Variants in OR3A2 observed in about 807,000 individuals in gnomAD.
The protein encoded by OR3A2 is olfactory receptor family 3 subfamily A member 2.
For synonymous variants in OR3A2, 126 were observed against 159.3 expected (o/e 0.79, Z 1.57); for missense variants, 318 against 392.8 (o/e 0.81, Z 1.61).
In OR3A2 at chr17:3,328,137, T is replaced by C. The variant is rs902860923; in HGVS notation, c.-85+7896A>G. Among the ~76,000 whole-genome samples, 392 of 144,204 alleles carry C rather than the reference T, an allele frequency of 2.7e-3. 4 individuals are homozygous for C. Among genetic ancestry groups the C allele is most frequent in the Non-Finnish European group, 1.3e-3 (85 of 67,116 alleles). The allele number at this position is 144,204 out of a possible 152,430, so 94.6% of individuals were successfully genotyped here. A position where few individuals can be genotyped will look rare whatever the true frequency, so the allele number is the denominator to read the frequency against. On this transcript the variant is annotated intron_variant, in intron 3 of 4. Transcript: ENST00000573491. ...ATGGGGATGGCATTGAATCTGTAAA[T>C]TACCTTGCGCAGTATGGCCATTTTC...
intron 2 of OR3A2, among the ~76,000 whole-genome samples, chr17:3,374,136 T>A (rs539610232): frequency 6.6e-5 from 10 of 152,342 alleles, no homozygotes; most frequent in East Asian, 3.9e-4. Flanking sequence ...CAATCCCTTC[T>A]GGCTTGTAGG....
chr17:3,373,542 T>C (rs1410867454), intron 2 of OR3A2, among the ~76,000 whole-genome samples: 1 of 152,230 alleles, frequency 6.6e-6, no homozygotes, highest in Non-Finnish European at 1.5e-5. Context: ...TATCATTATA[T>C]AATGTCTCTC....
intron 3 of OR3A2, among the ~76,000 whole-genome samples, chr17:3,332,453 G>C (rs1257981570): frequency 1.3e-5 from 2 of 152,218 alleles, no homozygotes; most frequent in African/African-American, 2.4e-5. Flanking sequence ...GGGTGGGAGT[G>C]ACCTGATTTT....
chr17:3,353,906 T>C lies in OR3A2; in HGVS notation c.-178-17780A>G, dbSNP rs543601055. Among the ~76,000 whole-genome samples, 769 of 104,426 alleles carry C rather than the reference T, an allele frequency of 7.4e-3. 3 individuals are homozygous for C. Among genetic ancestry groups the C allele is most frequent in the African/African-American group, 0.032 (733 of 23,158 alleles). The allele number at this position is 104,426 out of a possible 152,430, so 68.5% of individuals were successfully genotyped here. Reference sequence around the variant, plus strand: ...CTGTGCTATCAAATAGTGGTTCTTATTCATCCATTTTTTTTTGTACCCATT... The same window carrying C: ...CTGTGCTATCAAATAGTGGTTCTTACTCATCCATTTTTTTTTGTACCCATT... On this transcript the variant is annotated intron_variant, in intron 2 of 4. Coordinates refer to the OR3A2 transcript ENST00000573491.
At chr17:3,386,294 G>C (rs1229410480), upstream of OR3A2, 8 of 398,280 alleles carry the variant, frequency 2.0e-5, no homozygotes, top group Non-Finnish European at 2.7e-5. Flanking sequence ...TCCTACGACC[G>C]CCCGACGGCG....
intron 3 of OR3A2, among the ~76,000 whole-genome samples, chr17:3,304,358 G>A (rs907557619): frequency 8.6e-5 from 13 of 152,012 alleles, no homozygotes; most frequent in African/African-American, 2.7e-4. Flanking sequence ...TCACCAATTC[G>A]TGCTGCCACA....
intron 1 of OR3A2, 26 bp downstream of exon 4, chr17:3,279,050 C>G: frequency 6.8e-7 from 1 of 1,476,084 alleles, no homozygotes; most frequent in Non-Finnish European, 9.1e-7. Context: ...ACTCGTTGAC[C>G]TCCTCCATCA....
chr17:3,328,569 C>T (rs995515302), intron 3 of OR3A2, among the ~76,000 whole-genome samples: 74 of 146,234 alleles, frequency 5.1e-4, no homozygotes, highest in Non-Finnish European at 9.4e-4. Flanking sequence ...TGCCTAATTG[C>T]CCTGGCCAGA....
intron 3 of OR3A2, among the ~76,000 whole-genome samples, chr17:3,331,410 A>G (rs971358297): frequency 1.3e-5 from 2 of 150,550 alleles, no homozygotes; most frequent in African/African-American, 2.5e-5. Flanking sequence ...GGCTTTGCTC[A>G]TTTCTTTTTA....
At chr17:3,292,319 G>A in intron 3 of OR3A2, 1 of 1,614,182 alleles carries the variant, frequency 6.2e-7, no homozygotes, top group African/African-American at 1.3e-5. Flanking sequence ...TGCGGGACAG[G>A]AGACGACTCA....
At position 3,375,139 on chromosome 17, in the gene OR3A2, C is replaced by CTTTTTTTTTTTTTTT. The variant is rs552615698; in HGVS notation, c.-179+8650_-179+8664dup. On this transcript the variant is annotated intron_variant, in intron 2 of 4. Transcript: ENST00000573491. ...TATCTGGCAATTCAGAGCCTTCTTC[C>CTTTTTTTTTTTTTTT]TTTTTTTTTTTTTTTTTTTTTTTTT... Among the ~76,000 whole-genome samples the CTTTTTTTTTTTTTTT allele has an allele frequency of 1.5e-3, 42 of 28,720 alleles. 9 individuals are homozygous for CTTTTTTTTTTTTTTT. Among genetic ancestry groups the CTTTTTTTTTTTTTTT allele is most frequent in the East Asian group, 3.7e-3 (2 of 540 alleles). 18.8% of individuals were successfully genotyped at this position (28,720 alleles called of 152,430 possible).
intron 3 of OR3A2, among the ~76,000 whole-genome samples, chr17:3,296,784 A>T (rs936948679): frequency 2.6e-5 from 4 of 152,188 alleles, no homozygotes; most frequent in African/African-American, 9.7e-5. Context: ...ATACAGAGAA[A>T]GTTGTTCAAA....
chr17:3,351,854 A>G (rs1166888197), intron 2 of OR3A2, among the ~76,000 whole-genome samples: 3 of 152,176 alleles, frequency 2.0e-5, no homozygotes, highest in Non-Finnish European at 4.4e-5. Flanking sequence ...AATGGAACAG[A>G]ACAGAGCCCT....
At chr17:3,317,091 C>T (rs1011073295) in intron 3 of OR3A2, among the ~76,000 whole-genome samples, 1 of 152,104 alleles carries the variant, frequency 6.6e-6, no homozygotes, top group Non-Finnish European at 1.5e-5. Flanking sequence ...GGTTGAGTAC[C>T]GGTGCATAAA....
intron 1 of OR3A2, among the ~76,000 whole-genome samples, chr17:3,283,516 C>T (rs1273855473): frequency 1.3e-5 from 2 of 152,206 alleles, no homozygotes; most frequent in South Asian, 2.1e-4. Flanking sequence ...TAAGTCACTG[C>T]GCCCGGCCGG....
At chr17:3,340,834 C>T (rs1199274982) in intron 2 of OR3A2, among the ~76,000 whole-genome samples, 3 of 152,246 alleles carry the variant, frequency 2.0e-5, no homozygotes, top group Non-Finnish European at 4.4e-5. Flanking sequence ...AACCTTCTGT[C>T]TTGTTGATCT....
intron 3 of OR3A2, among the ~76,000 whole-genome samples, chr17:3,307,315 C>G (rs1341617371): frequency 1.3e-5 from 2 of 152,204 alleles, no homozygotes; most frequent in African/African-American, 4.8e-5. Context: ...ATAATGGGTT[C>G]TATTTGAGCT....
At chr17:3,315,775 GA>G in intron 3 of OR3A2, among the ~76,000 whole-genome samples, 2 of 30,188 alleles carry the variant, frequency 6.6e-5, no homozygotes, top group African/African-American at 2.2e-4. Flanking sequence ...GTAGTAAGAT[GA>G]GTAGTAAGAT....
Position 3,311,360 on chromosome 17 carries a change from G to A in OR3A2, c.-85+24673C>T, listed in dbSNP as rs773762727. 263 of 527,924 alleles carry A rather than the reference G, an allele frequency of 5.0e-4. 10 individuals carry two copies. The highest frequency in any genetic ancestry group is 3.5e-3 in the South Asian group (247 of 71,292). The allele number at this position is 527,924 out of a possible 1,614,324, so 32.7% of individuals were successfully genotyped here. On this transcript the variant is annotated intron_variant, in intron 3 of 4. Coordinates refer to the OR3A2 transcript ENST00000573491. The surrounding 1 kb of genome is among the most constrained non-coding windows in gnomAD (Gnocchi z 4.6). The stretch of plus-strand genomic sequence containing the variant: ...CTCTTAATAGCCATGGCCTATGACC[G>A]CTACCTGGCTATCTGTCAGCTTCTC...
Sources: allele counts gnomAD v4.1 joint callset (sites outside exome capture counted in the v4.1 genomes callset), GRCh38; gene constraint gnomAD v4.1.1; non-coding constraint Gnocchi (gnomAD v3.1); transcripts MANE v1.5; gene names NCBI Gene and HGNC (gene_info 2026-07-23, HGNC 2026-07-21).